The following FMNL3 variants were observed in gnomAD, a reference collection of about 807,000 sequenced individuals.
FMNL3 encodes formin-like protein 3.
Under a neutral mutation model 119.6 loss-of-function variants are expected in FMNL3, and 57 were observed. The observed-to-expected ratio is 0.48, with a 90% confidence interval of 0.39 to 0.59. FMNL3 has a LOEUF of 0.59. Among genes scored for constraint, FMNL3 ranks in the 20% least tolerant of loss-of-function variants. The pLI is 0.00. For synonymous variants in FMNL3, 491 were observed against 507.3 expected (o/e 0.97, Z 0.43); for missense variants, 1,053 against 1,323.5 (o/e 0.80, Z 3.17).
At chr12:49,670,193 T>A (rs988319746) in intron 1 of FMNL3, among the ~76,000 whole-genome samples, 5 of 152,180 alleles carry the variant, frequency 3.3e-5, no homozygotes, top group African/African-American at 1.2e-4. Context: ...GCATCCAGGG[T>A]CCCTGAGGAG....
intron 21 of FMNL3, among the ~76,000 whole-genome samples, chr12:49,648,604 C>G (rs1199539909): frequency 2.0e-5 from 3 of 152,212 alleles, no homozygotes; most frequent in Non-Finnish European, 4.4e-5. Context: ...CTGCTGGTCT[C>G]CAAAATGAAA....
At chr12:49,685,525 G>A (rs1411119123) in intron 1 of FMNL3, among the ~76,000 whole-genome samples, 1 of 152,100 alleles carries the variant, frequency 6.6e-6, no homozygotes, top group East Asian at 1.9e-4. Context: ...CTAAAGGGCA[G>A]GCCAACAAAA....
At chr12:49,648,153 T>C (rs766408749) in intron 22 of FMNL3, 40 bp downstream of exon 22, 6 of 1,584,144 alleles carry the variant, frequency 3.8e-6, no homozygotes, top group Non-Finnish European at 5.2e-6. Flanking sequence ...GCCTGGTGCC[T>C]TGGCCCTGGT....
rs765065907 is a variant in FMNL3, at chr12:49,645,214, G to A, written c.*601C>T. 6.6e-6 allele frequency: 1 copy of A among 151,646 alleles called. No homozygotes were observed. The highest frequency in any genetic ancestry group is 1.5e-5 in the Non-Finnish European group (1 of 68,016). The allele number at this position is 151,646 out of a possible 1,614,324, so 9.4% of individuals were successfully genotyped here. On this transcript the variant is annotated 3_prime_UTR_variant, in exon 26 of 26. Coordinates refer to ENST00000335154, the MANE Select transcript of FMNL3 (RefSeq NM_175736.5). ...AGTGGTTGGTGCAGAGAAGACCTCTGCTCTTCTGCCCACCTTGACAAGGAC... is the reference window on the plus strand; with the variant it reads ...AGTGGTTGGTGCAGAGAAGACCTCTACTCTTCTGCCCACCTTGACAAGGAC...
At position 49,707,385 on chromosome 12, in the gene FMNL3, C is replaced by G. The variant is rs1429253017; in HGVS notation, c.-205G>C. ...GAGGCAGCGTAGCGGACAGCCGCAC[C>G]GAAGCAAGGCGGACGGAGGCGGCCG... On this transcript the variant is annotated 5_prime_UTR_variant, in exon 1 of 26. Coordinates refer to ENST00000335154, the MANE Select transcript of FMNL3 (RefSeq NM_175736.5). 3 of 391,738 alleles carry G rather than the reference C, an allele frequency of 7.7e-6. No individual in the cohort carries two copies. The highest frequency in any genetic ancestry group is 1.3e-5 in the Non-Finnish European group (3 of 224,728). 24.3% of individuals were successfully genotyped at this position (391,738 alleles called of 1,614,324 possible). A position where few individuals can be genotyped will look rare whatever the true frequency, so the allele number is the denominator to read the frequency against.
chr12:49,636,890 C>T lies in FMNL3; in HGVS notation c.*8925G>A, dbSNP rs759984772. ...TTTCTAGATCAGAGCTCAGCTCTGCCCTAGAGCACAACCTCTTCACCCATT... is the reference window on the plus strand; with the variant it reads ...TTTCTAGATCAGAGCTCAGCTCTGCTCTAGAGCACAACCTCTTCACCCATT... On this transcript the variant is annotated 3_prime_UTR_variant, in exon 26 of 26. Coordinates refer to ENST00000335154, the MANE Select transcript of FMNL3 (RefSeq NM_175736.5). 1 of 1,611,534 alleles carries T rather than the reference C, an allele frequency of 6.2e-7. No individual in the cohort carries two copies. The highest frequency in any genetic ancestry group is 2.2e-5 in the East Asian group (1 of 44,862).
At chr12:49,655,365 G>C (rs1454167715) in intron 9 of FMNL3, among the ~76,000 whole-genome samples, 1 of 152,210 alleles carries the variant, frequency 6.6e-6, no homozygotes, top group East Asian at 1.9e-4. Flanking sequence ...CTGGGAGGTG[G>C]AAGTTGCAGT....
intron 2 of FMNL3, among the ~76,000 whole-genome samples, chr12:49,666,628 C>CA (rs1050176906): frequency 8.9e-4 from 135 of 151,614 alleles, no homozygotes; most frequent in African/African-American, 2.9e-3. Context: ...TCTGTCTCTA[C>CA]AAAAAAAACT....
intron 5 of FMNL3, among the ~76,000 whole-genome samples, chr12:49,660,203 C>G (rs960789853): frequency 1.3e-5 from 2 of 152,190 alleles, no homozygotes; most frequent in Admixed American, 6.5e-5. Context: ...CCCTCTCAAT[C>G]CTTCCTAAAA....
rs1038712935 is a variant in FMNL3 at position 49,637,661 on chromosome 12, C to T, written c.*8154G>A. 5.8e-6 allele frequency: 9 copies of T among 1,556,038 alleles called. No individual in the cohort carries two copies. Among genetic ancestry groups the T allele is most frequent in the African/African-American group, 1.4e-5 (1 of 73,582 alleles). ...CTCTCTGCACCCCCTACTACCGGCT[C>T]CTGTCCTCGGCCCAGCCCCCAGGCC... On this transcript the variant is annotated 3_prime_UTR_variant, in exon 26 of 26. Transcript: ENST00000335154.
intron 1 of FMNL3, among the ~76,000 whole-genome samples, chr12:49,682,594 G>A (rs1007616561): frequency 9.2e-5 from 14 of 151,974 alleles, no homozygotes; most frequent in Admixed American, 2.6e-4. Context: ...TGATCCTCCC[G>A]CCTTGGCCTC....
chr12:49,646,796 G>A (rs776398110), intron 25 of FMNL3, 90 bp downstream of exon 25: 1 of 1,605,480 alleles, frequency 6.2e-7, no homozygotes, highest in South Asian at 1.1e-5. Context: ...CCTCATGGGG[G>A]GTGGGGTGGG....
Position 49,707,063 on chromosome 12 carries a change from G to A in FMNL3, c.118C>T (p.Leu40=), listed in dbSNP as rs369116024. The A allele has an allele frequency of 3.9e-5, 62 of 1,584,522 alleles. No individual in the cohort carries two copies. In the African/African-American group the frequency reaches 7.8e-4, roughly 20 times the overall value. ...EPCELEERFA[L]VLSSMNLPPD... is the part of the protein sequence containing the mutation. Reference sequence around the variant, plus strand: ...CTGGGCTCAGCTCTCACCAGCACCAGGGCGAACCTTTCCTCCAGCTCACAG... The same window carrying A: ...CTGGGCTCAGCTCTCACCAGCACCAAGGCGAACCTTTCCTCCAGCTCACAG... The change falls in exon 1 of 26, where the codon CTG becomes TTG. Residue 40 remains leucine (L), a synonymous_variant. Coordinates refer to ENST00000335154, the MANE Select transcript of FMNL3 (RefSeq NM_175736.5).
At chr12:49,655,045 C>A in intron 9 of FMNL3, 61 bp from the exon 10 acceptor site, 1 of 1,497,698 alleles carries the variant, frequency 6.7e-7, no homozygotes, top group Non-Finnish European at 9.2e-7. Flanking sequence ...AGCCCCTGCG[C>A]TCTGGCTCCT....
Position 49,647,799 on chromosome 12 carries a change from G to A in FMNL3, c.2682C>T (p.Ala894=). 6.2e-7 allele frequency: 1 copy of A among 1,613,718 alleles called. No homozygotes were observed. Among genetic ancestry groups the A allele is most frequent in the Non-Finnish European group, 8.5e-7 (1 of 1,179,648 alleles). The change falls in exon 23 of 26, where the codon GCC becomes GCT. Residue 894 remains alanine, a synonymous_variant. Coordinates refer to ENST00000335154, the MANE Select transcript of FMNL3 (RefSeq NM_175736.5). This position sits in a 1 kb window ranked among gnomAD's most constrained non-coding sequence, Gnocchi z 4.9. ...CAAAGTAGCGCACAACTGCATTGTA[G>A]GCCTCCTGGGGAAGGGGTGGGCAGA... ...LQRDAKTAEE[A]YNAVVRYFGE...
chr12:49,643,489 C>T lies in FMNL3; in HGVS notation c.*2326G>A. 1 of 1,476,274 alleles carries T rather than the reference C, an allele frequency of 6.8e-7. No homozygotes were observed. The highest frequency in any genetic ancestry group is 9.1e-7 in the Non-Finnish European group (1 of 1,098,834). 91.4% of individuals were successfully genotyped at this position (1,476,274 alleles called of 1,614,324 possible). ...AAGCCCCAGCTCCTTTGAGGGTAGA[C>T]TGGATTGGGAGGGCTGCACCTGTGG... On this transcript the variant is annotated 3_prime_UTR_variant, in exon 26 of 26. Coordinates refer to ENST00000335154, the MANE Select transcript of FMNL3 (RefSeq NM_175736.5).
intron 1 of FMNL3, among the ~76,000 whole-genome samples, chr12:49,682,300 G>A (rs1944356353): frequency 2.0e-5 from 3 of 151,504 alleles, no homozygotes. Context: ...TTGATCTCCT[G>A]ACCTCGTGAT....
At chr12:49,702,649 G>C (rs1448712355) in intron 1 of FMNL3, among the ~76,000 whole-genome samples, 1 of 152,064 alleles carries the variant, frequency 6.6e-6, no homozygotes, top group South Asian at 2.1e-4. Context: ...ACCACACACA[G>C]GCTTCCCCCA....
At chr12:49,691,504 A>G (rs1318300158) in intron 1 of FMNL3, among the ~76,000 whole-genome samples, 1 of 152,176 alleles carries the variant, frequency 6.6e-6, no homozygotes, top group Admixed American at 6.5e-5. Flanking sequence ...AAAAATACAT[A>G]GCCTGCCTGT....
Sources: gnomAD v4.1 joint callset for allele counts (sites outside exome capture counted in the v4.1 genomes callset) on GRCh38, gnomAD v4.1.1 for gene constraint, Gnocchi (gnomAD v3.1) non-coding constraint, MANE v1.5 for transcripts, NCBI Gene and HGNC (gene_info 2026-07-23, HGNC 2026-07-21) for gene names.